Variants in LNP1 observed in about 807,000 individuals in gnomAD.
LNP1 encodes the protein leukemia NUP98 fusion partner 1.
In LNP1, 12 loss-of-function variants were observed where a neutral mutation model predicts 14.5. The ratio of observed to expected loss-of-function variants is 0.83; its 90% CI spans 0.53 to 1.34. The LOEUF is 1.34. Ranked by LOEUF, LNP1 falls within the 40% of genes most tolerant of loss-of-function variation. The pLI, the probability that LNP1 is intolerant of heterozygous loss-of-function variation, is 0.00. For synonymous variants in LNP1, 75 were observed against 71.4 expected (o/e 1.05, Z -0.26); for missense variants, 198 against 210.9 (o/e 0.94, Z 0.38).
intron 1 of LNP1, among the ~76,000 whole-genome samples, chr3:100,420,546 G>A (rs955422895): frequency 1.3e-5 from 2 of 151,624 alleles, no homozygotes; most frequent in Admixed American, 1.3e-4. Context: ...CAAACTCCTG[G>A]GCTCAAGTGA....
At chr3:100,428,324 G>A (rs1707213370) in intron 1 of LNP1, among the ~76,000 whole-genome samples, 1 of 152,090 alleles carries the variant, frequency 6.6e-6, no homozygotes, top group African/African-American at 2.4e-5. Context: ...ACGAGGTCAA[G>A]AGTTTGAGAC....
chr3:100,451,376 T>A (rs1707436256), intron 2 of LNP1, among the ~76,000 whole-genome samples: 1 of 152,132 alleles, frequency 6.6e-6, no homozygotes, highest in South Asian at 2.1e-4. Context: ...GGCTTCCAGG[T>A]CATGGGTAGA....
chr3:100,423,258 A>G (rs1027263380), intron 1 of LNP1, among the ~76,000 whole-genome samples: 2 of 152,170 alleles, frequency 1.3e-5, no homozygotes, highest in Non-Finnish European at 2.9e-5. Flanking sequence ...TGAAATCAGT[A>G]AGAGGAATGA....
intron 2 of LNP1, among the ~76,000 whole-genome samples, chr3:100,433,838 T>C (rs1311150993): frequency 1.3e-5 from 2 of 152,248 alleles, no homozygotes; most frequent in Non-Finnish European, 2.9e-5. Flanking sequence ...TTTTTTCATA[T>C]GTTTTTTTGG....
At chr3:100,411,238 T>G (rs138409036) in intron 1 of LNP1, among the ~76,000 whole-genome samples, 1 of 152,362 alleles carries the variant, frequency 6.6e-6, no homozygotes, top group Non-Finnish European at 1.5e-5. Context: ...TCCTATGCCT[T>G]GTCCCATCAT....
chr3:100,436,913 C>T (rs1559844839), intron 2 of LNP1, among the ~76,000 whole-genome samples: 1 of 152,196 alleles, frequency 6.6e-6, no homozygotes, highest in Admixed American at 6.5e-5. Context: ...TCTATCCCCA[C>T]ATATGCATTT....
At chr3:100,418,962 C>T (rs1449056379) in intron 1 of LNP1, among the ~76,000 whole-genome samples, 2 of 152,146 alleles carry the variant, frequency 1.3e-5, no homozygotes, top group Non-Finnish European at 2.9e-5. Context: ...TGTGGTTCTC[C>T]TGTTCTCAGG....
At chr3:100,451,278 G>A (rs930897408) in intron 2 of LNP1, among the ~76,000 whole-genome samples, 9 of 152,326 alleles carry the variant, frequency 5.9e-5, no homozygotes, top group African/African-American at 2.2e-4. Context: ...GGAGACATGA[G>A]ACGTCAGTCA....
intron 1 of LNP1, among the ~76,000 whole-genome samples, chr3:100,409,956 C>CATCTATCTATCTATCTATCT (rs71625560): frequency 1.1e-4 from 17 of 149,514 alleles, no homozygotes; most frequent in African/African-American, 2.7e-4. Flanking sequence ...ACATAGCTTA[C>CATCTATCTATCTATCTATCT]ATCTATCTAT....
At chr3:100,413,043 C>T (rs1017136463) in intron 1 of LNP1, among the ~76,000 whole-genome samples, 4 of 152,162 alleles carry the variant, frequency 2.6e-5, no homozygotes, top group Non-Finnish European at 4.4e-5. Context: ...TGGTGTCAGC[C>T]GGGACACCAA....
At chr3:100,416,231 G>C (rs180678421) in intron 1 of LNP1, among the ~76,000 whole-genome samples, 1 of 152,066 alleles carries the variant, frequency 6.6e-6, no homozygotes, top group Non-Finnish European at 1.5e-5. Flanking sequence ...ATTTTTATAA[G>C]GGGAAATTGA....
intron 2 of LNP1, among the ~76,000 whole-genome samples, chr3:100,439,432 C>CGGAGTGG (rs1344935074): frequency 6.6e-6 from 1 of 152,148 alleles, no homozygotes; most frequent in African/African-American, 2.4e-5. Flanking sequence ...TCTTGGTCCA[C>CGGAGTGG]TGTGCTCCCC....
chr3:100,418,466 G>C (rs1056677881), intron 1 of LNP1, among the ~76,000 whole-genome samples: 1 of 151,818 alleles, frequency 6.6e-6, no homozygotes, highest in African/African-American at 2.4e-5. Context: ...TTGTCTGTAG[G>C]TCTGTATTCT....
In LNP1 at chr3:100,451,891, A is replaced by C; in HGVS notation, c.329A>C (p.Lys110Thr). 6.2e-7 allele frequency: 1 copy of C among 1,614,146 alleles called. No individual in the cohort carries two copies. Among genetic ancestry groups the C allele is most frequent in the South Asian group, 1.1e-5 (1 of 91,076 alleles). Residue 110 changes from lysine (K) to threonine (T), a missense_variant, in exon 3 of 4, where the codon AAA becomes ACA. By Grantham distance (78) the Lys-to-Thr change is moderately conservative. Transcript: ENST00000383693. ...SKGRSHSKIE[K>T]FSESFERQLC... ...GGAAGATCCCATTCCAAAATTGAGA[A>C]ATTTTCAGAGTCCTTTGAACGGCAA...
At chr3:100,405,564 G>A (rs114556629) in intron 1 of LNP1, among the ~76,000 whole-genome samples, 253 of 152,276 alleles carry the variant, frequency 1.7e-3, no homozygotes, top group Non-Finnish European at 3.0e-3. Flanking sequence ...AATTTGGTTT[G>A]TGTCCTCAAA....
intron 2 of LNP1, among the ~76,000 whole-genome samples, chr3:100,436,673 A>C (rs1707297359): frequency 6.6e-6 from 1 of 152,070 alleles, no homozygotes. Flanking sequence ...GATAATTGGT[A>C]ATTTTATATT....
At chr3:100,452,880 A>G (rs2148909029) in intron 3 of LNP1, among the ~76,000 whole-genome samples, 1 of 152,256 alleles carries the variant, frequency 6.6e-6, no homozygotes, top group South Asian at 2.1e-4. Context: ...GGTAGTTTCA[A>G]CTCTGCAGCA....
chr3:100,423,173 GA>G (rs924062158), intron 1 of LNP1, among the ~76,000 whole-genome samples: 2 of 151,922 alleles, frequency 1.3e-5, no homozygotes, highest in Admixed American at 6.6e-5. Context: ...CCGTTAAAAA[GA>G]AAAAAAGATG....
intron 2 of LNP1, among the ~76,000 whole-genome samples, chr3:100,446,278 G>A (rs149032530): frequency 0.023 from 3,547 of 152,116 alleles, 139 homozygotes; most frequent in African/African-American, 0.082. Context: ...CAGAACAGAG[G>A]CCTCCGAAAT....
Sources: gnomAD v4.1 joint callset for allele counts (sites outside exome capture counted in the v4.1 genomes callset) on GRCh38, gnomAD v4.1.1 for gene constraint, MANE v1.5 for transcripts, NCBI Gene and HGNC (gene_info 2026-07-23, HGNC 2026-07-21) for gene names.